FGF14: variants seen among roughly 807,000 people sequenced by gnomAD.
The protein encoded by FGF14 is fibroblast growth factor homologous factor 4.
FGF14 carries 5 observed loss-of-function variants against 25.5 expected under a neutral mutation model. That is an observed-to-expected ratio of 0.20 (90% CI 0.10 to 0.41). The LOEUF is 0.41. Ranked by LOEUF, FGF14 falls within the 10% of genes least tolerant of loss-of-function variation. The pLI, the probability that FGF14 is intolerant of heterozygous loss-of-function variation, is 1.00. For missense variants in FGF14, 222 were observed against 320.1 expected, an observed-to-expected ratio of 0.69 and a Z score of 2.34; for synonymous variants, 138 against 118.3, an observed-to-expected ratio of 1.17 and a Z score of -1.08.
chr13:101,889,620 C>A, intron 1 of FGF14, among the ~76,000 whole-genome samples: 1 of 152,100 alleles, frequency 6.6e-6, no homozygotes, highest in East Asian at 1.9e-4. Context: ...TCAAGCAAAA[C>A]GTCAAGCTGA....
intron 1 of FGF14, chr13:102,393,851 T>G (rs1291844851): frequency 1.3e-5 from 2 of 152,176 alleles, no homozygotes; most frequent in Non-Finnish European, 2.9e-5. Context: ...GAACAGGTTG[T>G]TTGTGATCGC....
chr13:101,813,600 T>G (rs544139644), intron 3 of FGF14, among the ~76,000 whole-genome samples: 10 of 152,318 alleles, frequency 6.6e-5, no homozygotes, highest in Admixed American at 1.3e-4. Flanking sequence ...TATTTTGTTA[T>G]AGTAGCACAA....
At chr13:102,032,910 C>G (rs7328263) in intron 1 of FGF14, among the ~76,000 whole-genome samples, 13,947 of 152,112 alleles carry the variant, frequency 0.092, 2,083 homozygotes, top group African/African-American at 0.32. Context: ...TTCATGAAGC[C>G]TACCTGAGAA....
Position 101,948,247 on chromosome 13 carries a change from C to T in FGF14, c.209-72951G>A, listed in dbSNP as rs561939005. On this transcript the variant is annotated intron_variant, in intron 1 of 4. Transcript: ENST00000376131. ...TTTATTAGTAGCAATTAGTCATCCA[C>T]ATGTATTTTGAAATAGCTCAGGTTT... is the stretch of plus-strand genomic sequence containing the variant. 3.4e-4 allele frequency among the ~76,000 whole-genome samples: 52 copies of T among 152,182 alleles called. 1 individual carries two copies. The East Asian group carries it at 8.9e-3, about 26-fold the overall frequency.
intron 3 of FGF14, among the ~76,000 whole-genome samples, chr13:101,795,841 G>A (rs2040488839): frequency 6.6e-6 from 1 of 152,024 alleles, no homozygotes; most frequent in African/African-American, 2.4e-5. Flanking sequence ...CAAAAAGTTG[G>A]ATTTTGCTAC....
intron 1 of FGF14, among the ~76,000 whole-genome samples, chr13:102,305,419 G>A (rs1368292632): frequency 6.6e-6 from 1 of 152,092 alleles, no homozygotes; most frequent in Non-Finnish European, 1.5e-5. Context: ...CCAATCAAAT[G>A]TGGATTGCCT....
intron 1 of FGF14, among the ~76,000 whole-genome samples, chr13:102,321,664 A>T (rs183971152): frequency 2.4e-4 from 37 of 152,250 alleles, no homozygotes; most frequent in Admixed American, 6.5e-4. Context: ...ACTAATTTTG[A>T]TTAGGCCTTA....
chr13:101,946,865 C>T (rs1339136926), intron 1 of FGF14, among the ~76,000 whole-genome samples: 1 of 152,112 alleles, frequency 6.6e-6, no homozygotes, highest in Non-Finnish European at 1.5e-5. Context: ...TTTCATGAGG[C>T]ACTTGGCTGC....
At chr13:101,744,443 AT>A (rs1394547264) in intron 3 of FGF14, among the ~76,000 whole-genome samples, 2 of 151,934 alleles carry the variant, frequency 1.3e-5, no homozygotes, top group Non-Finnish European at 2.9e-5. Context: ...TGTGAGTTAC[AT>A]TTTTTTCATT....
intron 1 of FGF14, among the ~76,000 whole-genome samples, chr13:101,910,525 G>A (rs1177504365): frequency 1.3e-5 from 2 of 152,004 alleles, no homozygotes; most frequent in African/African-American, 4.8e-5. Flanking sequence ...AAATCATAGG[G>A]AGAAACATAC....
At chr13:102,254,390 G>A (rs2052342455) in intron 1 of FGF14, among the ~76,000 whole-genome samples, 1 of 152,112 alleles carries the variant, frequency 6.6e-6, no homozygotes, top group Middle Eastern at 3.2e-3. Flanking sequence ...CGTTACAGGT[G>A]GAGCTCAGGG....
intron 1 of FGF14, among the ~76,000 whole-genome samples, chr13:102,233,215 A>G (rs553405695): frequency 1.3e-5 from 2 of 151,870 alleles, no homozygotes; most frequent in African/African-American, 4.8e-5. Flanking sequence ...GCTCACTGCA[A>G]CCTCCGCCTC....
intron 1 of FGF14, among the ~76,000 whole-genome samples, chr13:102,054,475 A>G (rs1265251981): frequency 2.6e-5 from 4 of 152,196 alleles, no homozygotes; most frequent in African/African-American, 9.6e-5. Flanking sequence ...ATACTTAGCC[A>G]CAGAATTACT....
chr13:101,869,728 A>C (rs1043032572), intron 2 of FGF14, among the ~76,000 whole-genome samples: 1 of 152,224 alleles, frequency 6.6e-6, no homozygotes, highest in Non-Finnish European at 1.5e-5. Flanking sequence ...ACAGGAAATG[A>C]AAGCACTAAA....
At chr13:102,356,848 A>C (rs1470336874) in intron 1 of FGF14, among the ~76,000 whole-genome samples, 1 of 151,710 alleles carries the variant, frequency 6.6e-6, no homozygotes, top group East Asian at 1.9e-4. Context: ...TGGACTTCTG[A>C]GACTGGAAGA....
intron 1 of FGF14, among the ~76,000 whole-genome samples, chr13:101,894,889 T>C (rs78508792): frequency 0.038 from 5,850 of 152,160 alleles, 397 homozygotes; most frequent in African/African-American, 0.13. Context: ...TCGAGAAGCA[T>C]AGCATGGAAA....
intron 3 of FGF14, among the ~76,000 whole-genome samples, chr13:101,791,914 A>G (rs1336713548): frequency 6.6e-6 from 1 of 152,178 alleles, no homozygotes; most frequent in African/African-American, 2.4e-5. Context: ...ATATATTGGC[A>G]TTAGACCCTG....
intron 2 of FGF14, among the ~76,000 whole-genome samples, chr13:101,874,823 C>G (rs965858463): frequency 4.6e-5 from 7 of 151,950 alleles, no homozygotes; most frequent in African/African-American, 1.7e-4. Flanking sequence ...ACCTCAGAGC[C>G]TGATAAAATA....
intron 3 of FGF14, among the ~76,000 whole-genome samples, chr13:101,824,992 T>A (rs767897034): frequency 1.3e-5 from 2 of 152,232 alleles, no homozygotes; most frequent in Non-Finnish European, 2.9e-5. Context: ...CTTATGTATC[T>A]CTTCATTTGG....
Sources: gnomAD v4.1 joint callset for allele counts (sites outside exome capture counted in the v4.1 genomes callset) on GRCh38, gnomAD v4.1.1 for gene constraint, MANE v1.5 for transcripts, NCBI Gene and HGNC (gene_info 2026-07-23, HGNC 2026-07-21) for gene names.